Variants in NLRP12 observed in about 807,000 individuals in gnomAD.
The protein encoded by NLRP12 is NLR family pyrin domain containing 12.
A neutral mutation model predicts 91.2 loss-of-function variants in NLRP12; 108 were observed. That is an observed-to-expected ratio of 1.18 (90% CI 1.01 to 1.39). The LOEUF (loss-of-function observed/expected upper bound fraction) is 1.39, where lower values mean the gene tolerates loss of function less well. Among genes scored for constraint, NLRP12 ranks in the 40% most tolerant of loss-of-function variants. The pLI is 0.00. For synonymous variants in NLRP12, 613 were observed against 566.7 expected (o/e 1.08, Z -1.16); for missense variants, 1,530 against 1,352.7 (o/e 1.13, Z -2.06).
intron 2 of NLRP12, among the ~76,000 whole-genome samples, chr19:53,811,531 A>T (rs1568683996): frequency 2.6e-5 from 4 of 151,554 alleles, no homozygotes; most frequent in Admixed American, 1.3e-4. Context: ...AATTTTTTTT[A>T]ATTAAAATAA....
chr19:53,803,071 G>A (rs2091900114), intron 6 of NLRP12, among the ~76,000 whole-genome samples: 1 of 152,038 alleles, frequency 6.6e-6, no homozygotes, highest in African/African-American at 2.4e-5. Flanking sequence ...TTTGATCCAT[G>A]GTTGATGAAA....
intron 3 of NLRP12, 41 bp downstream of exon 3, chr19:53,809,545 AC>A: frequency 1.4e-6 from 2 of 1,426,620 alleles, no homozygotes; most frequent in African/African-American, 3.0e-5. Context: ...AAAAAAACAC[AC>A]GAACCTAAGC....
At position 53,795,868 on chromosome 19, in the gene NLRP12, C is replaced by T. The variant is rs751680149; in HGVS notation, c.3089G>A (p.Arg1030Gln). The change falls in exon 9 of 10, where the codon CGA becomes CAA. Residue 1030 changes from arginine (R) to glutamine (Q), a missense_variant. By Grantham distance (43) the Arg-to-Gln change is conservative (BLOSUM62 1). Transcript: ENST00000324134. Reference protein sequence around the residue: ...KRLSHPGCKLRVLWLFGMDLN... With the variant: ...KRLSHPGCKLQVLWLFGMDLN... ...GGTCATCATCCCTCACCAGAGGACT[C>T]GGAGTTTGCAGCCAGGATGGCTCAG... is the stretch of plus-strand genomic sequence containing the variant. 1.2e-5 allele frequency: 19 copies of T among 1,613,886 alleles called. No homozygotes were observed. The highest frequency in any genetic ancestry group is 3.3e-5 in the Admixed American group (2 of 59,960).
chr19:53,809,291 G>A (rs1449185239), intron 3 of NLRP12, among the ~76,000 whole-genome samples: 1 of 151,194 alleles, frequency 6.6e-6, no homozygotes, highest in African/African-American at 2.4e-5. Flanking sequence ...CCAGCACTTT[G>A]GGAGGCCAAG....
chr19:53,805,140 A>C lies in NLRP12; in HGVS notation c.2414+140T>G, dbSNP rs576842685. The C allele has an allele frequency of 4.7e-6, 4 of 851,884 alleles. No individual in the cohort carries two copies. The Admixed American group carries it at 6.0e-5, about 13-fold the overall frequency. 52.8% of individuals were successfully genotyped at this position (851,884 alleles called of 1,614,324 possible). Reference sequence around the variant, plus strand: ...AGGTCTTCCAAAGTGCCTAGAGTCCAGGGCCAGGGTCTTAGGTCATGGGGT... The same window carrying C: ...AGGTCTTCCAAAGTGCCTAGAGTCCCGGGCCAGGGTCTTAGGTCATGGGGT... On this transcript the variant is annotated intron_variant, in intron 5 of 9. Coordinates refer to ENST00000324134, the MANE Select transcript of NLRP12 (RefSeq NM_144687.4).
chr19:53,801,128 G>T, intron 7 of NLRP12, 99 bp downstream of exon 7: 2 of 1,074,662 alleles, frequency 1.9e-6, no homozygotes, highest in Non-Finnish European at 2.8e-6. Context: ...GTAGTAGCTA[G>T]AGTTTAGGAG....
intron 2 of NLRP12, among the ~76,000 whole-genome samples, chr19:53,813,304 T>TC (rs1568686016): frequency 2.4e-4 from 24 of 101,296 alleles, no homozygotes; most frequent in Non-Finnish European, 3.7e-4. Flanking sequence ...CTTTTCTTTT[T>TC]TTTTTTTTTT....
chr19:53,803,147 C>T (rs909597212), intron 6 of NLRP12, among the ~76,000 whole-genome samples: 10 of 151,998 alleles, frequency 6.6e-5, no homozygotes, highest in African/African-American at 1.9e-4. Flanking sequence ...AGTAGTTTCA[C>T]GCTACTGGGA....
chr19:53,800,282 G>A (rs2122552593), intron 7 of NLRP12, among the ~76,000 whole-genome samples: 1 of 152,184 alleles, frequency 6.6e-6, no homozygotes, highest in South Asian at 2.1e-4. Flanking sequence ...TCCAGCCTGG[G>A]CGACAGGGCA....
At chr19:53,802,655 A>T (rs901418790) in intron 6 of NLRP12, among the ~76,000 whole-genome samples, 2 of 151,506 alleles carry the variant, frequency 1.3e-5, no homozygotes, top group African/African-American at 4.8e-5. Context: ...TGCAGTGAGC[A>T]GAGATCACAC....
rs898373750 is a variant in NLRP12, at chr19:53,806,611, G to A, written c.2243+884C>T. On this transcript the variant is annotated intron_variant, in intron 4 of 9. Coordinates refer to ENST00000324134, the MANE Select transcript of NLRP12 (RefSeq NM_144687.4). Reference sequence around the variant, plus strand: ...CAGGAGAATCGCTTGAACCCAGGAGGCAGAGGTTGCAGTGAGCCGAGATCA... The same window carrying A: ...CAGGAGAATCGCTTGAACCCAGGAGACAGAGGTTGCAGTGAGCCGAGATCA... Among the ~76,000 whole-genome samples, 18 of 146,066 alleles carry A rather than the reference G, an allele frequency of 1.2e-4. 1 individual carries two copies. The highest frequency in any genetic ancestry group is 2.2e-4 in the Admixed American group (3 of 13,884).
chr19:53,821,033 T>A (rs1183372679), intron 1 of NLRP12, among the ~76,000 whole-genome samples: 2 of 42,636 alleles, frequency 4.7e-5, no homozygotes, highest in African/African-American at 1.9e-4. Flanking sequence ...TATTTTTTCT[T>A]TTTTTTTTTT....
chr19:53,802,567 C>T (rs1020923134), intron 6 of NLRP12, among the ~76,000 whole-genome samples: 3 of 151,830 alleles, frequency 2.0e-5, no homozygotes, highest in Admixed American at 1.3e-4. Flanking sequence ...ATTAGCCAAG[C>T]GTGGTGGCAG....
Position 53,824,136 on chromosome 19 carries a change from C to T in NLRP12, c.39G>A (p.Leu13=), listed in dbSNP as rs2092308794. The T allele has an allele frequency of 6.2e-7, 1 of 1,614,102 alleles. No homozygotes were observed. The highest frequency in any genetic ancestry group is 8.5e-7 in the Non-Finnish European group (1 of 1,180,026). ...RTAGRDGLCR[L]STYLEELEAV... ...CCTCGAGTTCTTCCAAGTAGGTGGA[C>T]AGGCGACAGAGGCCGTCCCTGCCTG... The change falls in exon 1 of 10, where the codon CTG becomes CTA. Residue 13 remains leucine (L), a synonymous_variant. Coordinates refer to ENST00000324134, the MANE Select transcript of NLRP12 (RefSeq NM_144687.4).
intron 2 of NLRP12, among the ~76,000 whole-genome samples, chr19:53,811,799 T>G (rs2092081328): frequency 6.6e-6 from 1 of 152,014 alleles, no homozygotes; most frequent in Admixed American, 6.6e-5. Flanking sequence ...TCTCTTGACC[T>G]CATGATCTGC....
intron 4 of NLRP12, 80 bp downstream of exon 4, chr19:53,807,415 G>A (rs948852305): frequency 1.1e-4 from 153 of 1,405,036 alleles, no homozygotes; most frequent in Middle Eastern, 4.4e-4. Context: ...ACACCATCCC[G>A]TGATAGAACC....
Position 53,803,995 on chromosome 19 carries a change from A to G in NLRP12, c.2542T>C (p.Cys848Arg), listed in dbSNP as rs753224342. The G allele has an allele frequency of 7.4e-6, 12 of 1,614,166 alleles. No individual in the cohort carries two copies. The highest frequency in any genetic ancestry group is 4.4e-5 in the South Asian group (4 of 91,086). ...ALEDLGLRLL[C>R]QGLRHPVCRL... ...CAGACTGGGTGCCTCAGTCCCTGGC[A>G]TAGTAACCTCAGGCCCAAATCCTCC... Residue 848 changes from cysteine (C) to arginine (R), a missense_variant, in exon 6 of 10, where the codon TGC becomes CGC. Transcript: ENST00000324134.
At chr19:53,813,336 T>C (rs1313539505) in intron 2 of NLRP12, among the ~76,000 whole-genome samples, 1 of 135,460 alleles carries the variant, frequency 7.4e-6, no homozygotes, top group African/African-American at 2.8e-5. Flanking sequence ...AGAGTCTTGC[T>C]CTGTCACCTG....
At position 53,811,055 on chromosome 19, in the gene NLRP12, G is replaced by C. The variant is rs1419533334; in HGVS notation, c.604C>G (p.Pro202Ala). Residue 202 changes from proline to alanine, a missense_variant, in exon 3 of 10, where the codon CCA becomes GCA. Coordinates refer to ENST00000324134, the MANE Select transcript of NLRP12 (RefSeq NM_144687.4). Reference sequence around the variant, plus strand: ...GGTGGCTCGGGGCGCTCCTCGTCTGGCTCAAAGAGGGTCTCTATCTTGATG... The same window carrying C: ...GGTGGCTCGGGGCGCTCCTCGTCTGCCTCAAAGAGGGTCTCTATCTTGATG... ...SPIKIETLFEPDEERPEPPRT... is the reference protein window; with the variant it reads ...SPIKIETLFEADEERPEPPRT... 6.2e-7 allele frequency: 1 copy of C among 1,612,510 alleles called. No homozygotes were observed. The highest frequency in any genetic ancestry group is 1.3e-5 in the African/African-American group (1 of 74,890).
Sources: gnomAD v4.1 joint callset for allele counts (sites outside exome capture counted in the v4.1 genomes callset) on GRCh38, gnomAD v4.1.1 for gene constraint, MANE v1.5 for transcripts, NCBI Gene and HGNC (gene_info 2026-07-23, HGNC 2026-07-21) for gene names.